Variants in DPP10 observed in about 807,000 individuals in gnomAD.
DPP10 encodes dipeptidyl peptidase like 10, also known as inactive dipeptidyl peptidase 10.
DPP10 carries 33 observed loss-of-function variants against 120.9 expected under a neutral mutation model. The observed-to-expected ratio is 0.27, with a 90% confidence interval of 0.21 to 0.37. DPP10 has a LOEUF of 0.37. Among genes scored for constraint, DPP10 ranks in the 10% least tolerant of loss-of-function variants. The pLI is 1.00. For missense variants in DPP10, 816 were observed against 942.8 expected (o/e 0.87, Z 1.76); for synonymous variants, 337 against 326.1 (o/e 1.03, Z -0.36).
intron 1 of DPP10, among the ~76,000 whole-genome samples, chr2:115,273,044 A>G (rs1372859690): frequency 2.0e-5 from 3 of 151,656 alleles, no homozygotes; most frequent in South Asian, 4.2e-4. Context: ...TTTGAATTTT[A>G]TGTGAGTTGT....
intron 19 of DPP10, among the ~76,000 whole-genome samples, chr2:115,799,322 A>C (rs1268586508): frequency 6.6e-6 from 1 of 152,068 alleles, no homozygotes; most frequent in Non-Finnish European, 1.5e-5. Context: ...TTATATTGAT[A>C]CATATATGTT....
At chr2:115,520,912 G>T (rs779116172) in intron 4 of DPP10, among the ~76,000 whole-genome samples, 1 of 152,102 alleles carries the variant, frequency 6.6e-6, no homozygotes, top group Non-Finnish European at 1.5e-5. Context: ...GGACATTACC[G>T]TGGCAATAAA....
intron 1 of DPP10, among the ~76,000 whole-genome samples, chr2:114,522,892 A>T (rs553978315): frequency 5.3e-4 from 81 of 152,340 alleles, no homozygotes; most frequent in African/African-American, 1.6e-3. Context: ...CCTGAGACCC[A>T]TTCACTCTCA....
intron 1 of DPP10, among the ~76,000 whole-genome samples, chr2:115,186,444 A>G (rs1245690677): frequency 1.3e-5 from 2 of 152,202 alleles, no homozygotes; most frequent in African/African-American, 4.8e-5. Context: ...TGAGTGTAAC[A>G]GAGCATGCAG....
intron 1 of DPP10, among the ~76,000 whole-genome samples, chr2:114,568,551 C>T (rs1326251947): frequency 6.6e-6 from 1 of 152,194 alleles, no homozygotes; most frequent in African/African-American, 2.4e-5. Context: ...CACTCACCCA[C>T]CCATCCCATT....
chr2:115,620,345 G>A (rs1461333673), intron 5 of DPP10, among the ~76,000 whole-genome samples: 1 of 152,206 alleles, frequency 6.6e-6, no homozygotes, highest in East Asian at 1.9e-4. Flanking sequence ...TCAGAAACTT[G>A]TAGCTGTCAT....
chr2:114,757,158 G>T (rs1260022935), intron 1 of DPP10, among the ~76,000 whole-genome samples: 1 of 148,996 alleles, frequency 6.7e-6, no homozygotes, highest in Non-Finnish European at 1.5e-5. Context: ...GGTGGGGAGG[G>T]AGAGAGGTGG....
intron 1 of DPP10, among the ~76,000 whole-genome samples, chr2:114,960,832 CTT>C (rs778599059): frequency 2.6e-5 from 4 of 151,998 alleles, no homozygotes; most frequent in Non-Finnish European, 4.4e-5. Flanking sequence ...GTATGGGTGA[CTT>C]TGAGAAAGAT....
chr2:115,460,670 C>G (rs937118662), intron 3 of DPP10, among the ~76,000 whole-genome samples: 1 of 152,118 alleles, frequency 6.6e-6, no homozygotes, highest in Admixed American at 6.6e-5. Flanking sequence ...CTGGATGTCT[C>G]TCATGCTGCC....
At chr2:115,466,981 T>A (rs1201955754) in intron 3 of DPP10, among the ~76,000 whole-genome samples, 4 of 152,160 alleles carry the variant, frequency 2.6e-5, no homozygotes, top group South Asian at 2.1e-4. Flanking sequence ...TACTTCTTGG[T>A]GACAGTGAAG....
chr2:114,456,621 C>T (rs1487194508), intron 1 of DPP10, among the ~76,000 whole-genome samples: 1 of 152,078 alleles, frequency 6.6e-6, no homozygotes, highest in Non-Finnish European at 1.5e-5. Context: ...ATAAAAATAG[C>T]AGTATATAAT....
At chr2:115,377,761 T>C (rs1488686093) in intron 3 of DPP10, among the ~76,000 whole-genome samples, 1 of 151,976 alleles carries the variant, frequency 6.6e-6, no homozygotes, top group African/African-American at 2.4e-5. Flanking sequence ...AGTTTCAGCT[T>C]TCTACATATG....
At chr2:114,890,067 G>A (rs945894344) in intron 1 of DPP10, among the ~76,000 whole-genome samples, 22 of 152,228 alleles carry the variant, frequency 1.4e-4, no homozygotes, top group Non-Finnish European at 1.5e-4. Context: ...GTCTCCTTTC[G>A]TCACAGATTT....
intron 3 of DPP10, among the ~76,000 whole-genome samples, chr2:115,378,983 T>G (rs2066050305): frequency 1.3e-5 from 2 of 152,250 alleles, no homozygotes; most frequent in Non-Finnish European, 2.9e-5. Flanking sequence ...TTTGCATCAA[T>G]GTTCATCAAG....
At chr2:115,568,640 G>T (rs1368195405) in intron 5 of DPP10, among the ~76,000 whole-genome samples, 1 of 150,974 alleles carries the variant, frequency 6.6e-6, no homozygotes, top group African/African-American at 2.4e-5. Context: ...CGCGTACTTG[G>T]TCGTTATTCT....
intron 5 of DPP10, among the ~76,000 whole-genome samples, chr2:115,581,490 C>G (rs558452541): frequency 6.6e-6 from 1 of 152,118 alleles, no homozygotes; most frequent in African/African-American, 2.4e-5. Flanking sequence ...AATCTCTGAC[C>G]TGATTTTTCA....
chr2:114,890,858 T>C (rs1169004423), intron 1 of DPP10, among the ~76,000 whole-genome samples: 4 of 152,074 alleles, frequency 2.6e-5, no homozygotes, highest in African/African-American at 9.7e-5. Context: ...ACACCGAGTT[T>C]TATCTGCTAC....
chr2:115,466,373 T>G (rs2074326888), intron 3 of DPP10, among the ~76,000 whole-genome samples: 1 of 152,310 alleles, frequency 6.6e-6, no homozygotes, highest in South Asian at 2.1e-4. Context: ...TTGAGAAATG[T>G]TCTAATAGAG....
intron 1 of DPP10, among the ~76,000 whole-genome samples, chr2:114,967,588 A>G (rs1216645040): frequency 6.6e-6 from 1 of 152,180 alleles, no homozygotes; most frequent in African/African-American, 2.4e-5. Flanking sequence ...TCATGTAAGC[A>G]AGGTAAAAAG....
Sources: allele counts gnomAD v4.1 joint callset (sites outside exome capture counted in the v4.1 genomes callset), GRCh38; gene constraint gnomAD v4.1.1; transcripts MANE v1.5; gene names NCBI Gene and HGNC (gene_info 2026-07-23, HGNC 2026-07-21).